RGS6: variants seen among roughly 807,000 people sequenced by gnomAD.
RGS6 encodes regulator of G protein signaling 6.
Under a neutral mutation model 78.5 loss-of-function variants are expected in RGS6, and 30 were observed. The observed-to-expected ratio is 0.38, with a 90% CI of 0.29 to 0.52. The LOEUF (loss-of-function observed/expected upper bound fraction) is 0.52. Among genes scored for constraint, RGS6 ranks in the 20% least tolerant of loss-of-function variants. The pLI is 0.85. For synonymous variants in RGS6, 206 were observed against 206.0 expected (o/e 1.00, Z 0.00); for missense variants, 495 against 609.7 (o/e 0.81, Z 1.98).
rs950410198 is a variant in RGS6 at position 72,359,700 on chromosome 14, C to T, written c.184+7506C>T. Among the ~76,000 whole-genome samples the T allele has an allele frequency of 3.4e-4, 51 of 152,230 alleles. 1 individual carries two copies. The highest frequency in any genetic ancestry group is 2.1e-3 in the Admixed American group (32 of 15,288). ...ACAGCAAAAGAAATAGAACAAGTGG[C>T]TGGAGACAAGGAGGAAAAATCAAGA... is the stretch of plus-strand genomic sequence containing the variant. On this transcript the variant is annotated intron_variant, in intron 3 of 17. Coordinates refer to ENST00000553525, the MANE Select transcript of RGS6 (RefSeq NM_001204424.2).
chr14:72,333,358 A>G (rs551781362), intron 2 of RGS6, among the ~76,000 whole-genome samples: 2 of 152,278 alleles, frequency 1.3e-5, no homozygotes, highest in East Asian at 1.9e-4. Context: ...GTCACTGGGC[A>G]GGACAGCCAG....
At chr14:72,189,182 G>T (rs763599456) in intron 2 of RGS6, among the ~76,000 whole-genome samples, 1 of 152,134 alleles carries the variant, frequency 6.6e-6, no homozygotes, top group East Asian at 1.9e-4. Flanking sequence ...AAACAATTGA[G>T]TGTGGCTGTG....
the RGS6 span, among the ~76,000 whole-genome samples, chr14:72,586,131 C>T: frequency 6.6e-6 from 1 of 152,200 alleles, no homozygotes; most frequent in East Asian, 1.9e-4. Context: ...TCTATCCCCA[C>T]TCCTATCTCT....
chr14:72,250,372 C>A, intron 2 of RGS6, among the ~76,000 whole-genome samples: 1 of 131,510 alleles, frequency 7.6e-6, no homozygotes. Flanking sequence ...GTGGGTTGAC[C>A]TCTTGGCTTT....
chr14:72,279,720 T>C (rs2061271604), intron 2 of RGS6, among the ~76,000 whole-genome samples: 1 of 152,098 alleles, frequency 6.6e-6, no homozygotes, highest in Non-Finnish European at 1.5e-5. Context: ...GGAAGAGTGA[T>C]TTGGCGATGG....
chr14:72,254,919 G>A (rs562193657), intron 2 of RGS6, among the ~76,000 whole-genome samples: 4 of 152,278 alleles, frequency 2.6e-5, no homozygotes, highest in Admixed American at 1.3e-4. Context: ...ATCATGATAG[G>A]TTACAGAGCA....
At chr14:72,355,330 A>C (rs1483595324) in intron 3 of RGS6, among the ~76,000 whole-genome samples, 1 of 151,786 alleles carries the variant, frequency 6.6e-6, no homozygotes, top group African/African-American at 2.4e-5. Context: ...AGTAGCTGGG[A>C]TTACAGGCAT....
rs187012496 is a variant in RGS6, at chr14:72,033,584, G to T, written c.84+68709G>T. Among the ~76,000 whole-genome samples, 421 of 152,190 alleles carry T rather than the reference G, an allele frequency of 2.8e-3. 1 individual carries two copies. Among genetic ancestry groups the T allele is most frequent in the African/African-American group, 9.5e-3 (393 of 41,518 alleles). On this transcript the variant is annotated intron_variant, in intron 2 of 17. Transcript: ENST00000553525. ...GATCATGTGGCTGACTGGAAATGGT[G>T]GCTCTTTGCCACTGCCCCGAATCAT...
chr14:72,492,834 A>C (rs1436523943), intron 12 of RGS6, among the ~76,000 whole-genome samples: 1 of 152,184 alleles, frequency 6.6e-6, no homozygotes, highest in Non-Finnish European at 1.5e-5. Context: ...GTTTTATTAG[A>C]ACACAGTCAC....
intron 3 of RGS6, among the ~76,000 whole-genome samples, chr14:72,414,562 C>A (rs991247106): frequency 6.6e-6 from 1 of 152,216 alleles, no homozygotes; most frequent in African/African-American, 2.4e-5. Context: ...TCTCTCAACT[C>A]GTCAAAGTCA....
chr14:72,117,307 C>G (rs893926695), intron 2 of RGS6, among the ~76,000 whole-genome samples: 1 of 151,988 alleles, frequency 6.6e-6, no homozygotes, highest in African/African-American at 2.4e-5. Context: ...GAGAGGAGAT[C>G]CCTCATGAAT....
intron 2 of RGS6, among the ~76,000 whole-genome samples, chr14:72,188,476 A>G (rs933517612): frequency 1.6e-5 from 1 of 64,210 alleles, no homozygotes; most frequent in Non-Finnish European, 3.6e-5. Context: ...TAACTATAGC[A>G]GTTATCATCA....
At chr14:72,093,422 T>A (rs926849672) in intron 2 of RGS6, among the ~76,000 whole-genome samples, 2 of 151,966 alleles carry the variant, frequency 1.3e-5, no homozygotes, top group African/African-American at 2.4e-5. Context: ...TTGAAAAAAA[T>A]TTTCTACATA....
chr14:72,624,983 A>AT, the RGS6 span, among the ~76,000 whole-genome samples: 2 of 152,086 alleles, frequency 1.3e-5, no homozygotes, highest in African/African-American at 4.8e-5. Flanking sequence ...AGTGTCTGCC[A>AT]TTTTTTTCAC....
chr14:72,321,095 TAGAA>T (rs2071865500), intron 2 of RGS6, among the ~76,000 whole-genome samples: 1 of 151,622 alleles, frequency 6.6e-6, no homozygotes, highest in African/African-American at 2.4e-5. Flanking sequence ...ATTCAAGTGA[TAGAA>T]GGAAGAGAAA....
At chr14:71,892,455 G>A in the RGS6 span, among the ~76,000 whole-genome samples, 1 of 152,218 alleles carries the variant, frequency 6.6e-6, no homozygotes, top group African/African-American at 2.4e-5. Flanking sequence ...ATGCTCATAT[G>A]AGCTGCTTAA....
the RGS6 span, among the ~76,000 whole-genome samples, chr14:72,616,096 A>G: frequency 5.4e-3 from 820 of 152,358 alleles, 12 homozygotes; most frequent in African/African-American, 0.019. Flanking sequence ...GACCCGGGCC[A>G]GGATCTTTAC....
At chr14:72,030,545 G>A (rs567052962) in intron 2 of RGS6, among the ~76,000 whole-genome samples, 59 of 152,184 alleles carry the variant, frequency 3.9e-4, no homozygotes, top group South Asian at 3.7e-3. Flanking sequence ...CTTATAGTTA[G>A]AAAAAATTAG....
chr14:72,449,421 G>A (rs2095440365), intron 3 of RGS6, among the ~76,000 whole-genome samples: 1 of 152,156 alleles, frequency 6.6e-6, no homozygotes, highest in African/African-American at 2.4e-5. Context: ...GGAAGAATCA[G>A]GGGAGTGTTT....
Sources: gnomAD v4.1 joint callset for allele counts (sites outside exome capture counted in the v4.1 genomes callset) on GRCh38, gnomAD v4.1.1 for gene constraint, MANE v1.5 for transcripts, NCBI Gene and HGNC (gene_info 2026-07-23, HGNC 2026-07-21) for gene names.